SPATA16: variants seen among roughly 807,000 people sequenced by gnomAD.
SPATA16 encodes the protein spermatogenesis associated 16.
SPATA16 carries 36 observed loss-of-function variants against 63.3 expected under a neutral mutation model. The observed-to-expected ratio is 0.57, with a 90% CI of 0.44 to 0.75. The LOEUF (loss-of-function observed/expected upper bound fraction) is 0.75. Ranked by LOEUF, SPATA16 falls within the 30% of genes least tolerant of loss-of-function variation. The probability of loss-of-function intolerance (pLI) is 0.00; values close to 1 mark genes in which losing one functional copy is unlikely to be tolerated. For missense variants in SPATA16, 646 were observed against 679.3 expected (o/e 0.95, Z 0.54); for synonymous variants, 203 against 216.7 (o/e 0.94, Z 0.56).
chr3:173,013,463 C>T (rs902641926), intron 4 of SPATA16, among the ~76,000 whole-genome samples: 3 of 152,182 alleles, frequency 2.0e-5, no homozygotes, highest in East Asian at 1.9e-4. Flanking sequence ...GCAGACTTGA[C>T]GTCCAAAGAC....
intron 4 of SPATA16, among the ~76,000 whole-genome samples, chr3:172,977,731 G>T (rs1346558010): frequency 1.3e-5 from 2 of 152,024 alleles, no homozygotes; most frequent in Non-Finnish European, 2.9e-5. Flanking sequence ...TCTCTGCTAG[G>T]TCTCTCTATT....
At chr3:173,115,863 C>T (rs1232620374) in intron 2 of SPATA16, among the ~76,000 whole-genome samples, 1 of 151,972 alleles carries the variant, frequency 6.6e-6, no homozygotes, top group Non-Finnish European at 1.5e-5. Flanking sequence ...CTCTCATCAC[C>T]CATGCTCAAT....
chr3:173,029,652 C>G (rs961363422), intron 3 of SPATA16, among the ~76,000 whole-genome samples: 3 of 152,004 alleles, frequency 2.0e-5, no homozygotes, highest in Admixed American at 2.0e-4. Flanking sequence ...CTTGTCTTTC[C>G]TTCTAAGGCT....
chr3:173,089,957 G>A (rs11918643), intron 2 of SPATA16, among the ~76,000 whole-genome samples: 5,189 of 152,208 alleles, frequency 0.034, 283 homozygotes, highest in African/African-American at 0.12. Context: ...ACTGGATACT[G>A]TTTTCTACTA....
intron 6 of SPATA16, among the ~76,000 whole-genome samples, chr3:172,935,292 C>T (rs568772799): frequency 2.6e-5 from 4 of 152,092 alleles, no homozygotes; most frequent in East Asian, 3.9e-4. Context: ...AGCACACCTG[C>T]GAATAGCCAC....
At position 172,889,551 on chromosome 3, in the gene SPATA16, A is replaced by G. The variant is rs1468267168; in HGVS notation, c.*19T>C. 6.2e-7 allele frequency: 1 copy of G among 1,613,376 alleles called. No individual in the cohort carries two copies. Among genetic ancestry groups the G allele is most frequent in the Non-Finnish European group, 8.5e-7 (1 of 1,179,756 alleles). On this transcript the variant is annotated 3_prime_UTR_variant, in exon 11 of 11. Transcript: ENST00000351008. ...TCTTCTTCTGGGATATCTTAGTGGT[A>G]GTGCCTGCTCCCTAATGACTACCTT... is the stretch of plus-strand genomic sequence containing the variant.
At chr3:172,937,065 A>G (rs1402591296) in intron 6 of SPATA16, among the ~76,000 whole-genome samples, 1 of 152,214 alleles carries the variant, frequency 6.6e-6, no homozygotes, top group Non-Finnish European at 1.5e-5. Context: ...AGTTAGTGTC[A>G]GAATTGAATT....
chr3:172,913,630 T>G, intron 10 of SPATA16, 31 bp downstream of exon 10: 1 of 1,595,560 alleles, frequency 6.3e-7, no homozygotes, highest in Non-Finnish European at 8.6e-7. Context: ...TTGAGAATAA[T>G]AGATCTTTTT....
At chr3:172,939,349 T>C (rs1733090946) in intron 6 of SPATA16, among the ~76,000 whole-genome samples, 1 of 152,030 alleles carries the variant, frequency 6.6e-6, no homozygotes, top group African/African-American at 2.4e-5. Context: ...TTCATAAAAG[T>C]GTGGGGATTT....
intron 10 of SPATA16, among the ~76,000 whole-genome samples, chr3:172,913,421 A>T (rs1326932923): frequency 6.6e-6 from 1 of 152,194 alleles, no homozygotes; most frequent in African/African-American, 2.4e-5. Context: ...AATGAGCATG[A>T]TAATGAAGAA....
intron 1 of SPATA16, among the ~76,000 whole-genome samples, chr3:173,137,871 A>ACG (rs1396955307): frequency 6.9e-6 from 1 of 144,550 alleles, no homozygotes; most frequent in East Asian, 2.0e-4. Flanking sequence ...ACACACACAC[A>ACG]CAGACACACA....
intron 10 of SPATA16, among the ~76,000 whole-genome samples, chr3:172,898,556 AT>A (rs1732056530): frequency 2.0e-5 from 3 of 151,376 alleles, no homozygotes; most frequent in African/African-American, 7.3e-5. Flanking sequence ...ATCTGTAGTG[AT>A]GTTCCATTTC....
intron 10 of SPATA16, among the ~76,000 whole-genome samples, chr3:172,899,904 C>T (rs1287860840): frequency 6.6e-6 from 1 of 151,992 alleles, no homozygotes; most frequent in Non-Finnish European, 1.5e-5. Flanking sequence ...TTTTTAATTA[C>T]CTTAAATCCT....
intron 3 of SPATA16, among the ~76,000 whole-genome samples, chr3:173,045,094 C>T (rs1464579991): frequency 6.6e-6 from 1 of 152,150 alleles, no homozygotes; most frequent in African/African-American, 2.4e-5. Flanking sequence ...TCCTCACATG[C>T]ATGGCTCAGA....
chr3:172,914,892 A>AT (rs1732445305), intron 9 of SPATA16, among the ~76,000 whole-genome samples: 1 of 152,068 alleles, frequency 6.6e-6, no homozygotes, highest in African/African-American at 2.4e-5. Context: ...TAAAAAAAAA[A>AT]ATATAGATGT....
At chr3:173,075,417 C>T (rs891842414) in intron 2 of SPATA16, among the ~76,000 whole-genome samples, 1 of 152,106 alleles carries the variant, frequency 6.6e-6, no homozygotes, top group Non-Finnish European at 1.5e-5. Flanking sequence ...ACCTAGCAAT[C>T]CCACTGCTGG....
intron 2 of SPATA16, among the ~76,000 whole-genome samples, chr3:173,113,536 A>G (rs1052184835): frequency 6.6e-5 from 10 of 152,342 alleles, no homozygotes; most frequent in African/African-American, 2.4e-4. Context: ...ACTAAAGTTG[A>G]CAGGTTTTTG....
chr3:173,114,637 T>G (rs1737845420), intron 2 of SPATA16, among the ~76,000 whole-genome samples: 4 of 152,194 alleles, frequency 2.6e-5, no homozygotes, highest in Admixed American at 2.6e-4. Flanking sequence ...CAGACACTTA[T>G]TTTGCAGCCA....
At position 172,968,118 on chromosome 3, in the gene SPATA16, G is replaced by C. The variant is rs556335882; in HGVS notation, c.933+8850C>G. Reference sequence around the variant, plus strand: ...CTGCCTCAGCCTCCTGAGAAGCGGGGACTGTATCAGCTCTGTTGCCTGAAT... The same window carrying C: ...CTGCCTCAGCCTCCTGAGAAGCGGGCACTGTATCAGCTCTGTTGCCTGAAT... On this transcript the variant is annotated intron_variant, in intron 5 of 10. Coordinates refer to ENST00000351008, the MANE Select transcript of SPATA16 (RefSeq NM_031955.6). Among the ~76,000 whole-genome samples the C allele has an allele frequency of 2.3e-4, 35 of 152,284 alleles. No individual in the cohort carries two copies. In the South Asian group the frequency reaches 6.2e-3, roughly 27 times the overall value.
Sources: gnomAD v4.1 joint callset for allele counts (sites outside exome capture counted in the v4.1 genomes callset) on GRCh38, gnomAD v4.1.1 for gene constraint, MANE v1.5 for transcripts, NCBI Gene and HGNC (gene_info 2026-07-23, HGNC 2026-07-21) for gene names.